The following EML1 variants were observed in gnomAD, a reference collection of about 807,000 sequenced individuals.
EML1 encodes the protein echinoderm microtubule-associated protein-like 1.
In EML1, 27 loss-of-function variants were observed where a neutral mutation model predicts 110.4. That is an observed-to-expected ratio of 0.24 (90% confidence interval 0.18 to 0.34). The LOEUF (loss-of-function observed/expected upper bound fraction) is 0.34, where lower values mean the gene tolerates loss of function less well. Ranked by LOEUF, EML1 falls within the 10% of genes least tolerant of loss-of-function variation. The pLI is 1.00. For synonymous variants in EML1, 344 were observed against 385.8 expected (o/e 0.89, Z 1.27); for missense variants, 741 against 1,030.9 (o/e 0.72, Z 3.85).
rs544413779 is a variant in EML1, at chr14:99,801,263, A to G, written c.67+7720A>G. ...GGGCTGATTTCCAGTGAATACCTAC[A>G]GTGGGCGTAGGACAATTAAACATGT... On this transcript the variant is annotated intron_variant, in intron 1 of 21. Transcript: ENST00000262233. Among the ~76,000 whole-genome samples, 711 of 152,344 alleles carry G rather than the reference A, an allele frequency of 4.7e-3. 6 individuals carry two copies. Among genetic ancestry groups the G allele is most frequent in the African/African-American group, 0.016 (684 of 41,592 alleles).
At chr14:99,850,299 G>C (rs2058774099) in intron 1 of EML1, 1 of 1,288,954 alleles carries the variant, frequency 7.8e-7, no homozygotes, top group East Asian at 5.6e-5. Context: ...GAGGTTTATA[G>C]ACCCTGATAA....
chr14:99,854,874 A>G (rs1449125983), intron 2 of EML1, among the ~76,000 whole-genome samples: 1 of 152,144 alleles, frequency 6.6e-6, no homozygotes, highest in Admixed American at 6.5e-5. Context: ...GAGTGGGGCA[A>G]TACTCTGGTA....
chr14:99,840,057 A>G (rs1053125758), intron 1 of EML1, among the ~76,000 whole-genome samples: 1 of 152,240 alleles, frequency 6.6e-6, no homozygotes, highest in African/African-American at 2.4e-5. Flanking sequence ...GCTATTGGAT[A>G]CTAATAGGAT....
intron 1 of EML1, among the ~76,000 whole-genome samples, chr14:99,810,179 A>G (rs1379819011): frequency 6.6e-6 from 1 of 152,172 alleles, no homozygotes; most frequent in East Asian, 1.9e-4. Flanking sequence ...TTCACCTGTC[A>G]CCGTGTCCTT....
At chr14:99,912,694 A>C (rs569250381) in intron 13 of EML1, among the ~76,000 whole-genome samples, 1 of 152,336 alleles carries the variant, frequency 6.6e-6, no homozygotes, top group Non-Finnish European at 1.5e-5. Context: ...TTGTGAGAAC[A>C]TTTTTAATAA....
chr14:99,922,734 G>T (rs1364197319), intron 17 of EML1, among the ~76,000 whole-genome samples: 1 of 152,114 alleles, frequency 6.6e-6, no homozygotes. Context: ...TTTCCCTAAT[G>T]ACTATTGATA....
intron 1 of EML1, among the ~76,000 whole-genome samples, chr14:99,756,850 T>C (rs1270650514): frequency 6.6e-6 from 1 of 152,142 alleles, no homozygotes; most frequent in Non-Finnish European, 1.5e-5. Context: ...CCCTTTCCTG[T>C]GTTCCCAGCC....
intron 1 of EML1, among the ~76,000 whole-genome samples, chr14:99,752,009 G>A (rs1368789275): frequency 1.3e-5 from 2 of 152,070 alleles, no homozygotes; most frequent in East Asian, 1.9e-4. Context: ...GATAAGAGGA[G>A]GCAAACCCAA....
At chr14:99,893,748 G>C (rs1028432937) in intron 5 of EML1, among the ~76,000 whole-genome samples, 4 of 152,140 alleles carry the variant, frequency 2.6e-5, no homozygotes, top group African/African-American at 9.7e-5. Context: ...ATTAAAACCA[G>C]GTCCTTTGAT....
At chr14:99,770,342 C>A (rs374743086), upstream of EML1, among the ~76,000 whole-genome samples, 1 of 150,198 alleles carries the variant, frequency 6.7e-6, no homozygotes, top group African/African-American at 2.5e-5. Flanking sequence ...CAAAGAAAGA[C>A]GAAGCAAGCT....
chr14:99,870,401 G>A (rs1289833317), intron 3 of EML1, among the ~76,000 whole-genome samples: 1 of 152,240 alleles, frequency 6.6e-6, no homozygotes, highest in Admixed American at 6.5e-5. Context: ...AGCAGCAAGT[G>A]CTATTGTAGA....
chr14:99,818,454 A>G (rs2058205918), intron 1 of EML1, among the ~76,000 whole-genome samples: 1 of 152,182 alleles, frequency 6.6e-6, no homozygotes, highest in Admixed American at 6.5e-5. Flanking sequence ...TGTAGAGGGC[A>G]AAAAATATGG....
At chr14:99,745,902 G>A (rs2057102136) in intron 1 of EML1, among the ~76,000 whole-genome samples, 1 of 152,180 alleles carries the variant, frequency 6.6e-6, no homozygotes, top group Non-Finnish European at 1.5e-5. Context: ...TGTGGTTTGA[G>A]GCTAGAGCAG....
intron 1 of EML1, among the ~76,000 whole-genome samples, chr14:99,825,754 A>G (rs147210282): frequency 3.8e-4 from 58 of 152,302 alleles, no homozygotes; most frequent in African/African-American, 1.3e-3. Context: ...GCCCCTTGCC[A>G]TGTATTTCCA....
intron 15 of EML1, among the ~76,000 whole-genome samples, chr14:99,917,012 C>A (rs1284518277): frequency 6.6e-6 from 1 of 152,172 alleles, no homozygotes; most frequent in African/African-American, 2.4e-5. Context: ...ATGCCTTGCT[C>A]ATCTCATGAT....
intron 4 of EML1, among the ~76,000 whole-genome samples, chr14:99,880,503 G>A (rs1024459286): frequency 6.6e-6 from 1 of 152,156 alleles, no homozygotes; most frequent in Non-Finnish European, 1.5e-5. Context: ...TCGAGGATGG[G>A]ACACAGGGAA....
intron 1 of EML1, among the ~76,000 whole-genome samples, chr14:99,743,478 G>A (rs2057068270): frequency 6.6e-6 from 1 of 152,166 alleles, no homozygotes; most frequent in African/African-American, 2.4e-5. Context: ...AGGTGCGGCT[G>A]GATCCTTCAG....
upstream of EML1, among the ~76,000 whole-genome samples, chr14:99,768,279 G>C (rs540415792): frequency 1.3e-5 from 2 of 152,328 alleles, no homozygotes; most frequent in Admixed American, 6.5e-5. Flanking sequence ...GCTATTCTTA[G>C]ACGTGACCCA....
chr14:99,894,401 G>A lies in EML1; in HGVS notation c.548-228G>A, dbSNP rs180843922. 647 of 305,358 alleles carry A rather than the reference G, an allele frequency of 2.1e-3. 6 individuals carry two copies. Among genetic ancestry groups the A allele is most frequent in the African/African-American group, 0.013 (591 of 46,224 alleles). 18.9% of individuals were successfully genotyped at this position (305,358 alleles called of 1,614,324 possible). On this transcript the variant is annotated intron_variant, in intron 5 of 21. Coordinates refer to ENST00000262233, the MANE Select transcript of EML1 (RefSeq NM_004434.3). ...GTTCCTTCCTGCCTTTTACAATTTC[G>A]TAGGTATCTCATGTACTTAAGTAAA...
Sources: gnomAD v4.1 joint callset for allele counts (sites outside exome capture counted in the v4.1 genomes callset) on GRCh38, gnomAD v4.1.1 for gene constraint, MANE v1.5 for transcripts, NCBI Gene and HGNC (gene_info 2026-07-23, HGNC 2026-07-21) for gene names.